Variants in RBM19 observed in about 807,000 individuals in gnomAD.
RBM19 encodes probable RNA-binding protein 19.
RBM19 carries 94 observed loss-of-function variants against 116.8 expected under a neutral mutation model. The ratio of observed to expected loss-of-function variants is 0.80; its 90% CI spans 0.68 to 0.95. RBM19 has a LOEUF of 0.95. Among genes scored for constraint, RBM19 ranks in the 40% least tolerant of loss-of-function variants. The probability of loss-of-function intolerance (pLI) is 0.00; values close to 1 mark genes in which losing one functional copy is unlikely to be tolerated. For synonymous variants in RBM19, 475 were observed against 494.1 expected (o/e 0.96, Z 0.51); for missense variants, 1,161 against 1,220.7 (o/e 0.95, Z 0.73).
At chr12:113,908,793 T>G (rs1882241628) in intron 21 of RBM19, among the ~76,000 whole-genome samples, 1 of 152,094 alleles carries the variant, frequency 6.6e-6, no homozygotes, top group Admixed American at 6.5e-5. Context: ...CTGCTGAACC[T>G]CTCTGTGCCT....
chr12:113,916,700 A>G (rs1006188974), intron 20 of RBM19, among the ~76,000 whole-genome samples: 1 of 152,210 alleles, frequency 6.6e-6, no homozygotes, highest in Non-Finnish European at 1.5e-5. Context: ...TCCCAGAAAG[A>G]GATCCCCAAG....
intron 21 of RBM19, among the ~76,000 whole-genome samples, chr12:113,860,014 C>T (rs1878236225): frequency 6.6e-6 from 1 of 152,232 alleles, no homozygotes; most frequent in African/African-American, 2.4e-5. Context: ...TTTCTGAAGG[C>T]AGGACAGTGT....
chr12:113,898,360 A>G lies in RBM19; in HGVS notation c.2558+16609T>C, dbSNP rs750815651. On this transcript the variant is annotated intron_variant, in intron 21 of 23. Transcript: ENST00000261741. This position sits in a 1 kb window ranked among gnomAD's most constrained non-coding sequence, Gnocchi z 4.3. ...CTGTACTGGACTTCAGGGACAGGCA[A>G]GTGACATCCTACAGACACAGACATG... 6.6e-6 allele frequency among the ~76,000 whole-genome samples: 1 copy of G among 152,202 alleles called. No individual in the cohort carries two copies. The highest frequency in any genetic ancestry group is 1.5e-5 in the Non-Finnish European group (1 of 68,024).
chr12:113,951,640 C>T (rs1049881690), intron 8 of RBM19, among the ~76,000 whole-genome samples: 8 of 152,204 alleles, frequency 5.3e-5, no homozygotes, highest in African/African-American at 1.9e-4. Context: ...GCCCTTTACC[C>T]TGACCTCATC....
chr12:113,867,925 C>G (rs1374979110), intron 21 of RBM19, among the ~76,000 whole-genome samples: 1 of 149,920 alleles, frequency 6.7e-6, no homozygotes, highest in Non-Finnish European at 1.5e-5. Context: ...AGACTCTTGT[C>G]TGAATAAATA....
At chr12:113,943,715 T>A (rs1262543537) in intron 13 of RBM19, among the ~76,000 whole-genome samples, 2 of 151,892 alleles carry the variant, frequency 1.3e-5, no homozygotes, top group African/African-American at 4.8e-5. Context: ...CCCAGCTACT[T>A]GGGAGGCTGA....
chr12:113,902,666 A>T (rs1881776472), intron 21 of RBM19, among the ~76,000 whole-genome samples: 1 of 150,326 alleles, frequency 6.7e-6, no homozygotes, highest in Non-Finnish European at 1.5e-5. Flanking sequence ...TTTCAGGATT[A>T]TTTTTTTCTA....
At chr12:113,922,065 T>C (rs775575266) in intron 18 of RBM19, among the ~76,000 whole-genome samples, 6 of 152,178 alleles carry the variant, frequency 3.9e-5, no homozygotes, top group Non-Finnish European at 8.8e-5. Flanking sequence ...TGGGTGGCTC[T>C]GCAGTGGCCA....
chr12:113,943,147 G>A (rs1179584470), intron 13 of RBM19, among the ~76,000 whole-genome samples: 2 of 152,170 alleles, frequency 1.3e-5, no homozygotes, highest in Non-Finnish European at 2.9e-5. Flanking sequence ...CCCTTGCGGT[G>A]ACACCCTATC....
chr12:113,966,157 C>A, intron 1 of RBM19, 35 bp downstream of exon 1: 1 of 1,614,158 alleles, frequency 6.2e-7, no homozygotes, highest in Non-Finnish European at 8.5e-7. Context: ...CGGCTGGTCT[C>A]ATTTCAGATT....
intron 16 of RBM19, among the ~76,000 whole-genome samples, chr12:113,931,451 G>A (rs954202150): frequency 2.6e-5 from 4 of 152,086 alleles, no homozygotes; most frequent in Admixed American, 6.5e-5. Flanking sequence ...ATACACCTGC[G>A]CTTTGCTGGG....
chr12:113,961,448 C>A (rs1872491127), intron 2 of RBM19, among the ~76,000 whole-genome samples: 2 of 152,150 alleles, frequency 1.3e-5, no homozygotes, highest in African/African-American at 4.8e-5. Context: ...AAGATGTACT[C>A]CAATTCCTAT....
At chr12:113,856,513 G>A (rs1877915237) in intron 22 of RBM19, among the ~76,000 whole-genome samples, 2 of 152,234 alleles carry the variant, frequency 1.3e-5, no homozygotes, top group Admixed American at 1.3e-4. Context: ...TGCTGAAAGA[G>A]GGCTTCCAGT....
chr12:113,920,349 A>G (rs1243494401), intron 19 of RBM19, among the ~76,000 whole-genome samples: 1 of 152,212 alleles, frequency 6.6e-6, no homozygotes, highest in Non-Finnish European at 1.5e-5. Context: ...AACCTCTCCC[A>G]GGCCTACCAC....
rs186147698 is a variant in RBM19 at position 113,869,683 on chromosome 12, C to A, written c.2559-10787G>T. Among the ~76,000 whole-genome samples the A allele has an allele frequency of 3.0e-3, 458 of 151,520 alleles. 4 individuals carry two copies. The highest frequency in any genetic ancestry group is 9.6e-3 in the African/African-American group (397 of 41,246). On this transcript the variant is annotated intron_variant, in intron 21 of 23. Coordinates refer to ENST00000261741, the MANE Select transcript of RBM19 (RefSeq NM_016196.4). ...CTTTGGTGTCGTTATCCTCAGTACA[C>A]GAAATGTGAAAAGAGGAAGGACAAA... is the stretch of plus-strand genomic sequence containing the variant.
At chr12:113,939,544 T>G (rs1343946267) in intron 15 of RBM19, among the ~76,000 whole-genome samples, 2 of 137,018 alleles carry the variant, frequency 1.5e-5, no homozygotes, top group Non-Finnish European at 3.1e-5. Flanking sequence ...GGTCAGGAGA[T>G]CGAGACCATC....
rs1881477745 is a variant in RBM19, at chr12:113,898,350, G to C, written c.2558+16619C>G. 6.6e-6 allele frequency among the ~76,000 whole-genome samples: 1 copy of C among 152,148 alleles called. No homozygotes were observed. The highest frequency in any genetic ancestry group is 2.1e-4 in the South Asian group (1 of 4,816). On this transcript the variant is annotated intron_variant, in intron 21 of 23. Coordinates refer to ENST00000261741, the MANE Select transcript of RBM19 (RefSeq NM_016196.4). The surrounding 1 kb of genome is among the most constrained non-coding windows in gnomAD (Gnocchi z 4.3). Reference sequence around the variant, plus strand: ...ATTTCAGTGCCTGTACTGGACTTCAGGGACAGGCAAGTGACATCCTACAGA... The same window carrying C: ...ATTTCAGTGCCTGTACTGGACTTCACGGACAGGCAAGTGACATCCTACAGA...
At position 113,905,432 on chromosome 12, in the gene RBM19, G is replaced by A. The variant is rs538538182; in HGVS notation, c.2558+9537C>T. 4.6e-5 allele frequency among the ~76,000 whole-genome samples: 7 copies of A among 152,172 alleles called. No individual in the cohort carries two copies. In the South Asian group the frequency reaches 1.0e-3, roughly 23 times the overall value. On this transcript the variant is annotated intron_variant, in intron 21 of 23. Transcript: ENST00000261741. Reference sequence around the variant, plus strand: ...AAATGCTCCTTGGTCTGCACCTCACGCCATATACAAAAATCAATGCCAGAT... The same window carrying A: ...AAATGCTCCTTGGTCTGCACCTCACACCATATACAAAAATCAATGCCAGAT...
chr12:113,949,537 T>C (rs1421218429), intron 9 of RBM19, among the ~76,000 whole-genome samples: 1 of 152,202 alleles, frequency 6.6e-6, no homozygotes, highest in Non-Finnish European at 1.5e-5. Context: ...CATCCTTCTC[T>C]AACACAACTC....
Sources: gnomAD v4.1 joint callset for allele counts (sites outside exome capture counted in the v4.1 genomes callset) on GRCh38, gnomAD v4.1.1 for gene constraint, Gnocchi (gnomAD v3.1) non-coding constraint, MANE v1.5 for transcripts, NCBI Gene and HGNC (gene_info 2026-07-23, HGNC 2026-07-21) for gene names.